The following ARHGEF3 variants were observed in gnomAD, a reference collection of about 807,000 sequenced individuals.
ARHGEF3 encodes Rho guanine nucleotide exchange factor 3, also known as 59.8 kDA protein.
In ARHGEF3, 28 loss-of-function variants were observed where a neutral mutation model predicts 63.2. The observed-to-expected ratio is 0.44, with a 90% CI of 0.33 to 0.61. The LOEUF is 0.61. Among genes scored for constraint, ARHGEF3 ranks in the 20% least tolerant of loss-of-function variants. ARHGEF3 has a pLI of 0.03. For synonymous variants in ARHGEF3, 266 were observed against 254.2 expected (o/e 1.05, Z -0.44); for missense variants, 533 against 659.3 (o/e 0.81, Z 2.10).
chr3:57,015,519 A>G (rs1353342806), intron 2 of ARHGEF3, among the ~76,000 whole-genome samples: 1 of 150,960 alleles, frequency 6.6e-6, no homozygotes, highest in Non-Finnish European at 1.5e-5. Context: ...CTGTAACCTC[A>G]ACATTCTGGG....
intron 4 of ARHGEF3, among the ~76,000 whole-genome samples, chr3:56,879,133 T>A (rs1168453669): frequency 6.6e-6 from 1 of 152,200 alleles, no homozygotes; most frequent in Non-Finnish European, 1.5e-5. Context: ...GTGTAATTAT[T>A]TCATTATGTA....
chr3:56,968,592 G>A (rs955031673), intron 2 of ARHGEF3, among the ~76,000 whole-genome samples: 1 of 149,600 alleles, frequency 6.7e-6, no homozygotes, highest in African/African-American at 2.5e-5. Context: ...GCCTCCCAAA[G>A]TGCTAAGATT....
At chr3:56,817,902 A>G (rs2038330871) in intron 4 of ARHGEF3, among the ~76,000 whole-genome samples, 1 of 152,116 alleles carries the variant, frequency 6.6e-6, no homozygotes, top group Non-Finnish European at 1.5e-5. Flanking sequence ...GCTTTATAGG[A>G]AGGCCACGCA....
chr3:56,846,767 G>A (rs1392029112), intron 4 of ARHGEF3, among the ~76,000 whole-genome samples: 1 of 152,108 alleles, frequency 6.6e-6, no homozygotes, highest in Non-Finnish European at 1.5e-5. Flanking sequence ...AGTGATCCCA[G>A]GGTCTTGTGT....
At chr3:56,821,317 G>A (rs2038485569) in intron 4 of ARHGEF3, among the ~76,000 whole-genome samples, 1 of 152,146 alleles carries the variant, frequency 6.6e-6, no homozygotes, top group South Asian at 2.1e-4. Context: ...TGTTGAAGCT[G>A]GATGATGGTG....
At chr3:57,044,737 T>C (rs1346464982) in intron 1 of ARHGEF3, among the ~76,000 whole-genome samples, 1 of 152,178 alleles carries the variant, frequency 6.6e-6, no homozygotes, top group African/African-American at 2.4e-5. Flanking sequence ...CACAAGTCTC[T>C]AGTCTTCCCA....
chr3:57,059,803 C>A (rs1179362532), intron 1 of ARHGEF3, among the ~76,000 whole-genome samples: 1 of 150,136 alleles, frequency 6.7e-6, no homozygotes, highest in East Asian at 2.0e-4. Flanking sequence ...TCAAGACCAG[C>A]CTGACAAACA....
At chr3:57,022,024 G>A (rs1188297916) in intron 2 of ARHGEF3, among the ~76,000 whole-genome samples, 2 of 152,240 alleles carry the variant, frequency 1.3e-5, no homozygotes, top group African/African-American at 2.4e-5. Flanking sequence ...CAATCCCAGC[G>A]CTTTGAGAGG....
intron 2 of ARHGEF3, among the ~76,000 whole-genome samples, chr3:56,769,836 T>A (rs369051656): frequency 2.0e-5 from 3 of 152,290 alleles, no homozygotes; most frequent in East Asian, 3.9e-4. Context: ...CTCTAAGGTG[T>A]CAGAAGCCAG....
chr3:56,732,124 C>T, intron 9 of ARHGEF3, 114 bp downstream of exon 9: 1 of 1,246,208 alleles, frequency 8.0e-7, no homozygotes, highest in South Asian at 1.3e-5. Flanking sequence ...AAATAGCATA[C>T]AAATGCAGTT....
At chr3:57,068,197 A>G (rs1358478215) in intron 1 of ARHGEF3, among the ~76,000 whole-genome samples, 1 of 149,074 alleles carries the variant, frequency 6.7e-6, no homozygotes, top group East Asian at 2.0e-4. Flanking sequence ...ACACCAGGTT[A>G]CCAGGTTGCA....
At chr3:56,927,054 A>G (rs2042294530) in intron 3 of ARHGEF3, among the ~76,000 whole-genome samples, 2 of 152,218 alleles carry the variant, frequency 1.3e-5, no homozygotes, top group South Asian at 4.1e-4. Flanking sequence ...TTTAGCACAG[A>G]AGTGAGGAAT....
chr3:56,847,604 T>TCTCA (rs1242349453), intron 4 of ARHGEF3, among the ~76,000 whole-genome samples: 2 of 152,144 alleles, frequency 1.3e-5, no homozygotes, highest in Admixed American at 1.3e-4. Flanking sequence ...TGAGACAGAG[T>TCTCA]CTCAATCTTG....
intron 2 of ARHGEF3, among the ~76,000 whole-genome samples, chr3:56,759,031 C>T (rs545342506): frequency 1.9e-4 from 29 of 152,320 alleles, no homozygotes; most frequent in African/African-American, 6.0e-4. Flanking sequence ...ACTTTAAATT[C>T]TCATACATTA....
At chr3:57,056,279 C>G (rs1420463646) in intron 1 of ARHGEF3, among the ~76,000 whole-genome samples, 1 of 149,362 alleles carries the variant, frequency 6.7e-6, no homozygotes, top group Non-Finnish European at 1.5e-5. Context: ...TCCAGCTACT[C>G]GGGAGGCTGA....
intron 3 of ARHGEF3, among the ~76,000 whole-genome samples, chr3:56,944,722 A>G (rs73086382): frequency 0.12 from 17,476 of 151,552 alleles, 1,264 homozygotes; most frequent in East Asian, 0.25. Context: ...GACGACAGGC[A>G]CCTGCGCAAC....
chr3:56,913,384 C>A (rs2041904979), intron 3 of ARHGEF3, among the ~76,000 whole-genome samples: 1 of 151,928 alleles, frequency 6.6e-6, no homozygotes, highest in African/African-American at 2.4e-5. Context: ...ATACAAATGG[C>A]CAATAATGCA....
chr3:57,072,852 C>T (rs908450770), intron 1 of ARHGEF3, among the ~76,000 whole-genome samples: 25 of 152,134 alleles, frequency 1.6e-4, no homozygotes, highest in Admixed American at 7.9e-4. Context: ...CAAGACCAGC[C>T]TGGCCAAGAT....
At chr3:57,012,892 T>C (rs926821857) in intron 2 of ARHGEF3, among the ~76,000 whole-genome samples, 1 of 152,264 alleles carries the variant, frequency 6.6e-6, no homozygotes, top group African/African-American at 2.4e-5. Flanking sequence ...GGGAGAAGCA[T>C]GGGCAGGAAC....
Sources: gnomAD v4.1 joint callset for allele counts (sites outside exome capture counted in the v4.1 genomes callset) on GRCh38, gnomAD v4.1.1 for gene constraint, MANE v1.5 for transcripts, NCBI Gene and HGNC (gene_info 2026-07-23, HGNC 2026-07-21) for gene names.